ACTR3C: variants seen among roughly 807,000 people sequenced by gnomAD.
ACTR3C encodes the protein actin related protein 3C.
In ACTR3C, 18 loss-of-function variants were observed where a neutral mutation model predicts 26.3. That is an observed-to-expected ratio of 0.68 (90% confidence interval 0.47 to 1.01). The LOEUF is 1.01. Among genes scored for constraint, ACTR3C ranks in the 50% least tolerant of loss-of-function variants. ACTR3C has a pLI of 0.00. For missense variants in ACTR3C, 184 were observed against 250.7 expected, an observed-to-expected ratio of 0.73 and a Z score of 1.80; for synonymous variants, 55 against 94.5, an observed-to-expected ratio of 0.58 and a Z score of 2.42.
At chr7:150,137,150 T>C in the ACTR3C span, among the ~76,000 whole-genome samples, 1 of 152,178 alleles carries the variant, frequency 6.6e-6, no homozygotes, top group African/African-American at 2.4e-5. Context: ...TAGACACATA[T>C]TGATTCACAG....
chr7:149,939,669 T>C, the ACTR3C span, among the ~76,000 whole-genome samples: 1 of 151,002 alleles, frequency 6.6e-6, no homozygotes, highest in South Asian at 2.1e-4. Flanking sequence ...GTGCAGCAGA[T>C]ACCTCACTGG....
At chr7:150,098,466 T>A in the ACTR3C span, among the ~76,000 whole-genome samples, 2 of 151,962 alleles carry the variant, frequency 1.3e-5, no homozygotes, top group East Asian at 3.9e-4. Context: ...ACGCATGACA[T>A]GAAGAGACTG....
At chr7:149,912,613 C>T in the ACTR3C span, among the ~76,000 whole-genome samples, 2 of 151,596 alleles carry the variant, frequency 1.3e-5, no homozygotes, top group African/African-American at 2.4e-5. Flanking sequence ...AGCGATTCTC[C>T]TGCCTCAGCC....
intron 6 of ACTR3C, among the ~76,000 whole-genome samples, chr7:150,260,806 C>G (rs1833581741): frequency 6.6e-6 from 1 of 152,148 alleles, no homozygotes; most frequent in African/African-American, 2.4e-5. Context: ...TTGCTAGAAG[C>G]AAAACAGAAC....
At chr7:150,089,999 A>C in the ACTR3C span, among the ~76,000 whole-genome samples, 1 of 152,254 alleles carries the variant, frequency 6.6e-6, no homozygotes, top group Non-Finnish European at 1.5e-5. Context: ...CCATTTGTAT[A>C]AATAAATTAA....
At chr7:149,918,694 A>C in the ACTR3C span, among the ~76,000 whole-genome samples, 6 of 152,234 alleles carry the variant, frequency 3.9e-5, no homozygotes, top group Non-Finnish European at 5.9e-5. Flanking sequence ...CCATCTCAAA[A>C]AACAACAACA....
intron 6 of ACTR3C, among the ~76,000 whole-genome samples, chr7:150,270,858 A>G (rs1009733852): frequency 6.6e-6 from 1 of 152,066 alleles, no homozygotes; most frequent in Admixed American, 6.5e-5. Flanking sequence ...CCAGGTCGCA[A>G]GTCAAACAAT....
the ACTR3C span, among the ~76,000 whole-genome samples, chr7:149,886,114 A>G: frequency 6.6e-6 from 1 of 152,246 alleles, no homozygotes; most frequent in South Asian, 2.1e-4. Context: ...ATTTCATTAT[A>G]TTTACATATT....
At chr7:149,954,761 TCTTTGTA>T in the ACTR3C span, among the ~76,000 whole-genome samples, 4 of 152,376 alleles carry the variant, frequency 2.6e-5, no homozygotes, top group South Asian at 8.3e-4. Context: ...CTCGTGGTCC[TCTTTGTA>T]CTTTTCCTGG....
At chr7:149,994,325 C>T in the ACTR3C span, among the ~76,000 whole-genome samples, 4 of 152,144 alleles carry the variant, frequency 2.6e-5, no homozygotes, top group African/African-American at 7.2e-5. Flanking sequence ...TGGCCGGGCA[C>T]GGTGGCTCAT....
chr7:150,235,325 G>A, the ACTR3C span, among the ~76,000 whole-genome samples: 1,212 of 152,086 alleles, frequency 8.0e-3, 5 homozygotes, highest in Admixed American at 0.011. Flanking sequence ...GGGAGGTGAG[G>A]GGTCCTCAAC....
At chr7:150,106,552 C>G in the ACTR3C span, among the ~76,000 whole-genome samples, 2 of 145,854 alleles carry the variant, frequency 1.4e-5, no homozygotes, top group African/African-American at 5.2e-5. Flanking sequence ...AGTGGCACAG[C>G]CTGGACTAGA....
At chr7:150,311,870 G>A (rs538862060) in intron 1 of ACTR3C, among the ~76,000 whole-genome samples, 2 of 152,276 alleles carry the variant, frequency 1.3e-5, no homozygotes, top group Admixed American at 6.5e-5. Context: ...CCAAAGGAAT[G>A]CACATTAACA....
At chr7:150,099,364 A>G in the ACTR3C span, among the ~76,000 whole-genome samples, 1 of 148,760 alleles carries the variant, frequency 6.7e-6, no homozygotes, top group Non-Finnish European at 1.5e-5. Flanking sequence ...GCTATTGATT[A>G]GGGCATGAAA....
At chr7:150,198,803 T>TGG in the ACTR3C span, among the ~76,000 whole-genome samples, 1,271 of 105,360 alleles carry the variant, frequency 0.012, 51 homozygotes, top group African/African-American at 0.041. Flanking sequence ...GGGAGGGAGG[T>TGG]GGGGGGGTCA....
intron 1 of ACTR3C, among the ~76,000 whole-genome samples, chr7:150,307,318 C>T (rs941312812): frequency 6.6e-6 from 1 of 152,234 alleles, no homozygotes; most frequent in African/African-American, 2.4e-5. Flanking sequence ...CTGCAGGAGC[C>T]AAGAAGTCTG....
the ACTR3C span, among the ~76,000 whole-genome samples, chr7:150,142,646 A>G: frequency 1.3e-5 from 2 of 151,400 alleles, no homozygotes; most frequent in Middle Eastern, 3.5e-3. Flanking sequence ...CTCCTGCCTT[A>G]GCCTCCTGAG....
Position 150,323,451 on chromosome 7 carries a change from C to T in ACTR3C, c.-52+18G>A, listed in dbSNP as rs1196967062. 1.7e-5 allele frequency: 6 copies of T among 355,974 alleles called. No homozygotes were observed. The highest frequency in any genetic ancestry group is 2.7e-5 in the Non-Finnish European group (5 of 186,600). 22.1% of individuals were successfully genotyped at this position (355,974 alleles called of 1,614,324 possible). A position where few individuals can be genotyped will look rare whatever the true frequency, so the allele number is the denominator to read the frequency against. On this transcript the variant is annotated intron_variant, in intron 1 of 7. Transcript: ENST00000683684. ...TCAGGGGCCGCCAGGCGGCGGGCGG[C>T]GGGGCTGCGGCTCTTACCTGCCGAG...
chr7:150,148,796 A>G, the ACTR3C span, among the ~76,000 whole-genome samples: 2 of 151,988 alleles, frequency 1.3e-5, no homozygotes, highest in African/African-American at 4.8e-5. Context: ...TCCTTCCACT[A>G]ATGCATTTAT....
Sources: allele counts gnomAD v4.1 joint callset (sites outside exome capture counted in the v4.1 genomes callset), GRCh38; gene constraint gnomAD v4.1.1; transcripts MANE v1.5; gene names NCBI Gene and HGNC (gene_info 2026-07-23, HGNC 2026-07-21).